The following DAB1 variants were observed in gnomAD, a reference collection of about 807,000 sequenced individuals.
DAB1 encodes disabled homolog 1.
A neutral mutation model predicts 64.6 loss-of-function variants in DAB1; 15 were observed. The ratio of observed to expected loss-of-function variants is 0.23; its 90% CI spans 0.16 to 0.36. The LOEUF (loss-of-function observed/expected upper bound fraction) is 0.36. DAB1 is among the 10% of genes least tolerant of loss of function. DAB1 has a pLI of 1.00. For synonymous variants in DAB1, 235 were observed against 251.9 expected (o/e 0.93, Z 0.64); for missense variants, 596 against 706.7 (o/e 0.84, Z 1.78).
At chr1:58,402,042 TACTAAGAAATCCATGC>T (rs1219114208) in intron 3 of DAB1, among the ~76,000 whole-genome samples, 4 of 152,208 alleles carry the variant, frequency 2.6e-5, no homozygotes, top group Non-Finnish European at 5.9e-5. Flanking sequence ...GTCTTGAGTA[TACTAAGAAATCCATGC>T]ACTGAGAAAG....
At chr1:57,994,243 G>A (rs1570190029) in intron 5 of DAB1, among the ~76,000 whole-genome samples, 1 of 152,248 alleles carries the variant, frequency 6.6e-6, no homozygotes. Flanking sequence ...GCAGAATCCT[G>A]TGGTCCTGCA....
Position 58,136,370 on chromosome 1 carries a change from C to G in DAB1, n.387+14141G>C, listed in dbSNP as rs77444607. On this transcript the variant is annotated intron_variant and non_coding_transcript_variant, in intron 5 of 20. Coordinates refer to the DAB1 transcript ENST00000485760. The stretch of plus-strand genomic sequence containing the variant: ...ACGCTGCCGAAGTATTTTCATATGT[C>G]CCCCACGCCCTGTGTCCACCAGCCC... Among the ~76,000 whole-genome samples the G allele has an allele frequency of 3.8e-3, 575 of 152,216 alleles. 17 individuals are homozygous for G. In the East Asian group the frequency reaches 0.072, roughly 19 times the overall value.
At chr1:57,516,742 G>A (rs182225706) in intron 7 of DAB1, among the ~76,000 whole-genome samples, 22 of 152,174 alleles carry the variant, frequency 1.4e-4, no homozygotes, top group Admixed American at 1.3e-3. Context: ...CTCCTTGAAC[G>A]CCAACTTCTA....
intron 4 of DAB1, among the ~76,000 whole-genome samples, chr1:58,324,288 T>G (rs1662770091): frequency 6.6e-6 from 1 of 152,226 alleles, no homozygotes; most frequent in South Asian, 2.1e-4. Flanking sequence ...TGAGTTATTG[T>G]CCAAATCAGA....
chr1:57,635,930 C>T (rs1387508487), intron 7 of DAB1, among the ~76,000 whole-genome samples: 1 of 151,620 alleles, frequency 6.6e-6, no homozygotes, highest in Non-Finnish European at 1.5e-5. Flanking sequence ...CCCGTCACTA[C>T]TAAAAATACA....
At chr1:57,369,871 G>C (rs1006224385) in intron 1 of DAB1, among the ~76,000 whole-genome samples, 3 of 152,198 alleles carry the variant, frequency 2.0e-5, no homozygotes. Context: ...AATCCATGAG[G>C]ATAAGAGTAT....
intron 7 of DAB1, among the ~76,000 whole-genome samples, chr1:57,567,111 G>C (rs1408690780): frequency 1.3e-5 from 2 of 152,180 alleles, no homozygotes; most frequent in African/African-American, 2.4e-5. Flanking sequence ...GGGATGCAAG[G>C]CTGGTTCAAC....
intron 5 of DAB1, among the ~76,000 whole-genome samples, chr1:57,965,192 G>A (rs1230807336): frequency 6.6e-6 from 1 of 152,170 alleles, no homozygotes; most frequent in African/African-American, 2.4e-5. Flanking sequence ...TCAGATCGTA[G>A]AGAGTGTCAG....
At position 57,757,038 on chromosome 1, in the gene DAB1, G is replaced by C. The variant is rs571290018; in HGVS notation, n.552-107373C>G. Among the ~76,000 whole-genome samples, 580 of 152,152 alleles carry C rather than the reference G, an allele frequency of 3.8e-3. 2 individuals carry two copies. Among genetic ancestry groups the C allele is most frequent in the Non-Finnish European group, 6.8e-3 (460 of 67,988 alleles). ...CATTAATATTTGTTGATCAGCTATG[G>C]AAGGTAGTATATAGCAGTGTTTCTC... On this transcript the variant is annotated intron_variant and non_coding_transcript_variant, in intron 6 of 20. Transcript: ENST00000485760.
chr1:57,526,265 T>A (rs1644592523), intron 7 of DAB1, among the ~76,000 whole-genome samples: 2 of 152,138 alleles, frequency 1.3e-5, no homozygotes, highest in South Asian at 4.1e-4. Context: ...GAAAGAAAGA[T>A]AATCACTCTG....
intron 1 of DAB1, chr1:57,873,841 T>C (rs544429587): frequency 1.3e-5 from 2 of 152,300 alleles, no homozygotes; most frequent in Admixed American, 6.5e-5. Flanking sequence ...ATAAATACTG[T>C]ATATAATAGT....
chr1:57,472,042 G>T (rs912067282), intron 7 of DAB1, among the ~76,000 whole-genome samples: 2 of 152,212 alleles, frequency 1.3e-5, no homozygotes, highest in Admixed American at 1.3e-4. Flanking sequence ...GGAAGCAGGA[G>T]ATCAGGAAAA....
At chr1:58,410,238 T>C (rs1644655703) in intron 3 of DAB1, among the ~76,000 whole-genome samples, 1 of 152,232 alleles carries the variant, frequency 6.6e-6, no homozygotes, top group Admixed American at 6.5e-5. Flanking sequence ...ATATAAGATC[T>C]TTAAGGATGC....
intron 13 of DAB1, among the ~76,000 whole-genome samples, 158 bp downstream of exon 13, chr1:57,010,987 T>G (rs1396968399): frequency 6.6e-6 from 1 of 152,188 alleles, no homozygotes; most frequent in Non-Finnish European, 1.5e-5. Flanking sequence ...GCTGACTCAT[T>G]TGAACACAAA....
chr1:58,033,892 T>C (rs1449158157), intron 5 of DAB1, among the ~76,000 whole-genome samples: 1 of 152,164 alleles, frequency 6.6e-6, no homozygotes, highest in African/African-American at 2.4e-5. Flanking sequence ...TTATAACCCA[T>C]GCATAGTGCT....
intron 1 of DAB1, among the ~76,000 whole-genome samples, chr1:57,858,094 T>C (rs1263318444): frequency 2.0e-5 from 3 of 152,154 alleles, no homozygotes; most frequent in East Asian, 1.9e-4. Context: ...ACACAAAATA[T>C]ACTGTGTTAC....
chr1:57,125,982 T>C (rs1031055545), intron 4 of DAB1, among the ~76,000 whole-genome samples: 2 of 152,174 alleles, frequency 1.3e-5, no homozygotes, highest in African/African-American at 4.8e-5. Flanking sequence ...GCTGATCACA[T>C]GCCAGGAGGT....
At chr1:57,038,533 TTG>T (rs1466706752) in intron 9 of DAB1, among the ~76,000 whole-genome samples, 3 of 152,144 alleles carry the variant, frequency 2.0e-5, no homozygotes, top group Non-Finnish European at 4.4e-5. Context: ...CTTTGAGGTT[TTG>T]TCTTTATAAT....
chr1:57,737,315 C>T (rs1393454508), intron 6 of DAB1, among the ~76,000 whole-genome samples: 1 of 152,162 alleles, frequency 6.6e-6, no homozygotes, highest in Admixed American at 6.5e-5. Flanking sequence ...TCTGAACAGG[C>T]AAGCATAGGC....
Sources: gnomAD v4.1 joint callset for allele counts (sites outside exome capture counted in the v4.1 genomes callset) on GRCh38, gnomAD v4.1.1 for gene constraint, MANE v1.5 for transcripts, NCBI Gene and HGNC (gene_info 2026-07-23, HGNC 2026-07-21) for gene names.